The following PTPRC variants were observed in gnomAD, a reference collection of about 807,000 sequenced individuals.
PTPRC encodes the protein protein tyrosine phosphatase receptor type C, also known as receptor-type tyrosine-protein phosphatase C.
A neutral mutation model predicts 155.9 loss-of-function variants in PTPRC; 44 were observed. That is an observed-to-expected ratio of 0.28 (90% confidence interval 0.22 to 0.36). The LOEUF (loss-of-function observed/expected upper bound fraction) is 0.36. Ranked by LOEUF, PTPRC falls within the 10% of genes least tolerant of loss-of-function variation. The pLI, the probability that PTPRC is intolerant of heterozygous loss-of-function variation, is 1.00. For missense variants in PTPRC, 1,401 were observed against 1,564.6 expected (o/e 0.90, Z 1.76); for synonymous variants, 525 against 533.1 (o/e 0.98, Z 0.21).
intron 5 of PTPRC, among the ~76,000 whole-genome samples, chr1:198,701,809 T>A (rs1409540103): frequency 6.6e-6 from 1 of 152,240 alleles, no homozygotes; most frequent in South Asian, 2.1e-4. Flanking sequence ...ATTGTAACCT[T>A]CAGCTGGAAA....
chr1:198,698,209 C>A (rs1666296380), intron 4 of PTPRC, among the ~76,000 whole-genome samples: 1 of 152,026 alleles, frequency 6.6e-6, no homozygotes, highest in Non-Finnish European at 1.5e-5. Flanking sequence ...ACCACTTAAG[C>A]CATAAATTTA....
intron 2 of PTPRC, among the ~76,000 whole-genome samples, chr1:198,670,978 G>A (rs898779128): frequency 6.6e-6 from 1 of 151,918 alleles, no homozygotes; most frequent in Non-Finnish European, 1.5e-5. Flanking sequence ...ATGATTTAAG[G>A]TATATGGGAA....
intron 3 of PTPRC, chr1:198,694,967 G>C: frequency 3.1e-6 from 3 of 980,812 alleles, no homozygotes; most frequent in Non-Finnish European, 3.6e-6. Context: ...TGAGTTATTT[G>C]GTTATGAAAA....
intron 2 of PTPRC, among the ~76,000 whole-genome samples, chr1:198,674,998 C>T (rs1664868608): frequency 6.6e-6 from 1 of 152,070 alleles, no homozygotes; most frequent in Non-Finnish European, 1.5e-5. Flanking sequence ...TCTTATGCAT[C>T]TTTAGTCCCC....
In PTPRC at chr1:198,702,343, G is replaced by A. The variant is rs114018851; in HGVS notation, c.440-44G>A. 1,052 of 1,613,958 alleles carry A rather than the reference G, an allele frequency of 6.5e-4. 7 individuals carry two copies. In the African/African-American group the frequency reaches 0.012, roughly 18 times the overall value. ...TTGGCTATCTGGCTATTGCCCTTGC[G>A]TGACAGACACAAGTGACAGTGCTGA... On this transcript the variant is annotated intron_variant, in intron 5 of 32. Transcript: ENST00000442510.
chr1:198,718,124 C>T lies in PTPRC; in HGVS notation c.1481C>T (p.Ser494Phe), dbSNP rs1653686234. The T allele has an allele frequency of 2.5e-6, 4 of 1,613,748 alleles. No homozygotes were observed. Among genetic ancestry groups the T allele is most frequent in the Non-Finnish European group, 2.5e-6 (3 of 1,179,694 alleles). The stretch of plus-strand genomic sequence containing the variant: ...AGCCAGGTCTGGAACATGACTGTCT[C>T]CATGACATCAGATAATAGTATGCAT... ...PPSQVWNMTV[S>F]MTSDNSMHVK... The change falls in exon 14 of 33, where the codon TCC becomes TTC. Residue 494 changes from serine (S) to phenylalanine (F), a missense_variant. Coordinates refer to ENST00000442510, the MANE Select transcript of PTPRC (RefSeq NM_002838.5).
In PTPRC at chr1:198,673,801, C is replaced by G. The variant is rs778297236; in HGVS notation, c.74-18546C>G. On this transcript the variant is annotated intron_variant, in intron 2 of 32. Coordinates refer to ENST00000442510, the MANE Select transcript of PTPRC (RefSeq NM_002838.5). The stretch of plus-strand genomic sequence containing the variant: ...TTCCCAAGAAATGCGGTAGAATAAG[C>G]CTTTTGGTTTCTGATTTTTTTTCTT... Among the ~76,000 whole-genome samples the G allele has an allele frequency of 1.3e-5, 2 of 152,022 alleles. 1 individual carries two copies. The highest frequency in any genetic ancestry group is 4.1e-4 in the South Asian group (2 of 4,824).
chr1:198,720,608 C>T (rs767096757), intron 14 of PTPRC, among the ~76,000 whole-genome samples: 6 of 152,112 alleles, frequency 3.9e-5, no homozygotes, highest in Non-Finnish European at 5.9e-5. Flanking sequence ...GGATTACAGG[C>T]GTGAGCTACT....
Position 198,754,535 on chromosome 1 carries a change from T to TTTTC in PTPRC, c.3645+136_3645+139dup, listed in dbSNP as rs1655539135. ...TTCCCCTTTCCTTTTCTCTTCTCTA[T>TTTTC]TTTCTTTCCTATTCTTTTAGCTTTT... On this transcript the variant is annotated intron_variant, in intron 32 of 32. Coordinates refer to ENST00000442510, the MANE Select transcript of PTPRC (RefSeq NM_002838.5). 3 of 1,081,468 alleles carry TTTTC rather than the reference T, an allele frequency of 2.8e-6. No homozygotes were observed. The African/African-American group carries it at 4.8e-5, about 17-fold the overall frequency. The allele number at this position is 1,081,468 out of a possible 1,614,324, so 67.0% of individuals were successfully genotyped here.
intron 2 of PTPRC, among the ~76,000 whole-genome samples, chr1:198,680,624 A>G (rs766983427): frequency 7.9e-5 from 12 of 152,230 alleles, no homozygotes; most frequent in Admixed American, 3.9e-4. Flanking sequence ...AAGCAGATCA[A>G]TGTGGCGGTA....
At position 198,756,397 on chromosome 1, in the gene PTPRC, T is replaced by TATTC. The variant is rs1655666075; in HGVS notation, c.*218_*221dup. The TATTC allele has an allele frequency of 4.8e-6, 3 of 623,820 alleles. No homozygotes were observed. The South Asian group carries it at 6.1e-5, about 13-fold the overall frequency. The allele number at this position is 623,820 out of a possible 1,614,324, so 38.6% of individuals were successfully genotyped here. A position where few individuals can be genotyped will look rare whatever the true frequency, so the allele number is the denominator to read the frequency against. On this transcript the variant is annotated 3_prime_UTR_variant, in exon 33 of 33. Transcript: ENST00000442510. ...ATGCTTATTTTAAAATTTTATCTCTTATTCAGTAAAAAACAACTTCTTTGT... is the reference window on the plus strand; with the variant it reads ...ATGCTTATTTTAAAATTTTATCTCTTATTCATTCAGTAAAAAACAACTTCTTTGT...
intron 17 of PTPRC, among the ~76,000 whole-genome samples, chr1:198,730,047 T>A (rs905812844): frequency 1.3e-5 from 2 of 152,122 alleles, no homozygotes; most frequent in African/African-American, 4.8e-5. Context: ...AGAAAACACA[T>A]TTGTTTATCT....
At chr1:198,692,109 G>A (rs553506073) in intron 2 of PTPRC, among the ~76,000 whole-genome samples, 3 of 152,038 alleles carry the variant, frequency 2.0e-5, no homozygotes, top group South Asian at 2.1e-4. Flanking sequence ...AGTCTGTTAT[G>A]TTTCTGATTT....
intron 29 of PTPRC, among the ~76,000 whole-genome samples, chr1:198,751,190 T>C (rs754290376): frequency 3.9e-5 from 6 of 152,070 alleles, no homozygotes; most frequent in Non-Finnish European, 8.8e-5. Flanking sequence ...AAAATGTATC[T>C]ATATCATCCT....
At position 198,734,425 on chromosome 1, in the gene PTPRC, G is replaced by T; in HGVS notation, c.2277G>T (p.Arg759Ser). The change falls in exon 22 of 33, where the codon AGG becomes AGT. Residue 759 changes from arginine to serine, a missense_variant and splice_region_variant. Arg to Ser is a moderately radical substitution (Grantham distance 110, BLOSUM62 -1). Coordinates refer to ENST00000442510, the MANE Select transcript of PTPRC (RefSeq NM_002838.5). The part of the protein sequence containing the change: ...VMVTRCEEGN[R>S]NKCAEYWPSM... ...TCACTCGATGTGAAGAAGGAAACAG[G>T]GTAAGAACCAAGAAGATTCATAGTG... 6.2e-7 allele frequency: 1 copy of T among 1,610,152 alleles called. No individual in the cohort carries two copies. Among genetic ancestry groups the T allele is most frequent in the Non-Finnish European group, 8.5e-7 (1 of 1,177,242 alleles).
At chr1:198,676,691 GCTTTTGATAA>G (rs1664974442) in intron 2 of PTPRC, among the ~76,000 whole-genome samples, 1 of 152,098 alleles carries the variant, frequency 6.6e-6, no homozygotes, top group Admixed American at 6.6e-5. Context: ...CATAAGCCTT[GCTTTTGATAA>G]CATTTCTTTA....
intron 23 of PTPRC, among the ~76,000 whole-genome samples, chr1:198,740,277 TA>T (rs1654839156): frequency 6.6e-6 from 1 of 151,782 alleles, no homozygotes; most frequent in Non-Finnish European, 1.5e-5. Context: ...ATGTTGTTTT[TA>T]AAAAGAGAAA....
chr1:198,722,957 A>G (rs1056701018), intron 15 of PTPRC, among the ~76,000 whole-genome samples: 1 of 151,906 alleles, frequency 6.6e-6, no homozygotes, highest in African/African-American at 2.4e-5. Context: ...AAATATTTTC[A>G]TCAAAGTAAA....
chr1:198,658,896 A>AT (rs1663763622), intron 2 of PTPRC, among the ~76,000 whole-genome samples: 1 of 152,054 alleles, frequency 6.6e-6, no homozygotes, highest in South Asian at 2.1e-4. Flanking sequence ...GAGTGCTTTC[A>AT]TCAAATCATT....
Sources: gnomAD v4.1 joint callset for allele counts (sites outside exome capture counted in the v4.1 genomes callset) on GRCh38, gnomAD v4.1.1 for gene constraint, MANE v1.5 for transcripts, NCBI Gene and HGNC (gene_info 2026-07-23, HGNC 2026-07-21) for gene names.